Variants in EXD3 observed in about 807,000 individuals in gnomAD.
EXD3 encodes exonuclease mut-7 homolog.
In EXD3, 92 loss-of-function variants were observed where a neutral mutation model predicts 98.0. The ratio of observed to expected loss-of-function variants is 0.94; its 90% CI spans 0.79 to 1.12. EXD3 has a LOEUF of 1.12. Among genes scored for constraint, EXD3 ranks in the 50% most tolerant of loss-of-function variants. The pLI is 0.00. For synonymous variants in EXD3, 569 were observed against 526.0 expected (o/e 1.08, Z -1.12); for missense variants, 1,222 against 1,191.6 (o/e 1.03, Z -0.38).
chr9:137,377,530 TTGGGAGGCCAAGG>T (rs1835972995), intron 3 of EXD3, among the ~76,000 whole-genome samples: 1 of 151,262 alleles, frequency 6.6e-6, no homozygotes, highest in South Asian at 2.1e-4. Flanking sequence ...TCCCAGCACT[TTGGGAGGCCAAGG>T]TGGGAGGATC....
chr9:137,354,712 C>T lies in EXD3; in HGVS notation c.819G>A (p.Lys273=). 6.2e-7 allele frequency: 1 copy of T among 1,611,014 alleles called. No homozygotes were observed. The highest frequency in any genetic ancestry group is 1.1e-5 in the South Asian group (1 of 91,084). ...CCTGCTCACGAACCTCCACAAACCG[C>T]TTGTGGCACAGGTGCCGCAGGGCCG... The part of the protein sequence containing the change: ...RLAALRHLCH[K]RFVEKSLSQE... The change falls in exon 9 of 22, where the codon AAG becomes AAA. Residue 273 remains lysine, a synonymous_variant. Coordinates refer to ENST00000340951, the MANE Select transcript of EXD3 (RefSeq NM_017820.5).
At chr9:137,335,787 T>G (rs1483847635) in intron 17 of EXD3, among the ~76,000 whole-genome samples, 1 of 152,176 alleles carries the variant, frequency 6.6e-6, no homozygotes, top group African/African-American at 2.4e-5. Flanking sequence ...GTCCCACTAC[T>G]GAGTATCTAC....
At chr9:137,413,287 G>A (rs1191669251) in intron 1 of EXD3, among the ~76,000 whole-genome samples, 4 of 151,280 alleles carry the variant, frequency 2.6e-5, no homozygotes, top group African/African-American at 4.9e-5. Flanking sequence ...TGCAAGCTCC[G>A]CCTCCCGGGT....
chr9:137,355,683 GA>G (rs1834716421), intron 8 of EXD3, among the ~76,000 whole-genome samples: 5 of 102,028 alleles, frequency 4.9e-5, no homozygotes, highest in Non-Finnish European at 1.1e-4. Flanking sequence ...GAGGATGGAG[GA>G]AGGAGAAAGG....
intron 17 of EXD3, chr9:137,345,667 A>G: frequency 6.6e-6 from 1 of 151,676 alleles, no homozygotes; most frequent in Non-Finnish European, 1.5e-5. Context: ...GTCTCAAAAA[A>G]AAAAAAAAGG....
chr9:137,313,629 G>A (rs1260470553), intron 19 of EXD3, among the ~76,000 whole-genome samples: 2 of 152,164 alleles, frequency 1.3e-5, no homozygotes, highest in African/African-American at 2.4e-5. Context: ...CCCCATGGGG[G>A]GTGTGGCAGG....
chr9:137,363,729 C>T (rs1284553111), intron 7 of EXD3, among the ~76,000 whole-genome samples: 4 of 152,118 alleles, frequency 2.6e-5, no homozygotes, highest in African/African-American at 9.7e-5. Context: ...AAGCTTTAAA[C>T]TGTGGATATA....
Position 137,351,442 on chromosome 9 carries a change from G to T in EXD3, c.1260C>A (p.Ala420=). Residue 420 remains alanine (A), a synonymous_variant, in exon 13 of 22, where the codon GCC becomes GCA. Coordinates refer to ENST00000340951, the MANE Select transcript of EXD3 (RefSeq NM_017820.5). The part of the protein sequence containing the change: ...GRPRPSLLQV[A]VEGHVFLLDV... ...CCAGAAGGAACACGTGGCCCTCCACGGCCACCTGCAGGAGTGACGGCCGAG... is the reference window on the plus strand; with the variant it reads ...CCAGAAGGAACACGTGGCCCTCCACTGCCACCTGCAGGAGTGACGGCCGAG... 1.2e-6 allele frequency: 2 copies of T among 1,605,116 alleles called. No individual in the cohort carries two copies. The highest frequency in any genetic ancestry group is 1.7e-6 in the Non-Finnish European group (2 of 1,177,056).
At chr9:137,320,975 G>GGAGA (rs1195661500) in intron 19 of EXD3, among the ~76,000 whole-genome samples, 1 of 152,230 alleles carries the variant, frequency 6.6e-6, no homozygotes, top group Non-Finnish European at 1.5e-5. Context: ...CAAGGCTGCA[G>GGAGA]GAGAGGCCCC....
chr9:137,376,717 G>T (rs1239488443), intron 3 of EXD3, among the ~76,000 whole-genome samples: 4 of 152,042 alleles, frequency 2.6e-5, no homozygotes, highest in African/African-American at 4.8e-5. Flanking sequence ...ATCAACTGAG[G>T]TCGGGAGTTG....
rs1348487510 is a variant in EXD3 at position 137,373,192 on chromosome 9, G to A, written c.295-120C>T. 45 of 1,300,280 alleles carry A rather than the reference G, an allele frequency of 3.5e-5. No homozygotes were observed. The East Asian group carries it at 4.4e-4, about 13-fold the overall frequency. The allele number at this position is 1,300,280 out of a possible 1,614,324, so 80.5% of individuals were successfully genotyped here. On this transcript the variant is annotated intron_variant, in intron 4 of 21. Transcript: ENST00000340951. ...GCCACTGTGGCCATGTGTGGGCATC[G>A]GGTGGTCTGCAGGGCTGGGGCACGG...
intron 5 of EXD3, among the ~76,000 whole-genome samples, chr9:137,368,993 G>A (rs1414684043): frequency 4.8e-5 from 7 of 144,898 alleles, no homozygotes; most frequent in Non-Finnish European, 9.2e-5. Flanking sequence ...AGTGCCCGGG[G>A]CGGGGTGGGG....
intron 4 of EXD3, 106 bp downstream of exon 4, chr9:137,373,320 G>C: frequency 7.3e-7 from 1 of 1,372,530 alleles, no homozygotes; most frequent in South Asian, 1.2e-5. Flanking sequence ...CCCTTCCCTG[G>C]CTTGCTGAGC....
chr9:137,366,163 T>C (rs1285652534), intron 7 of EXD3: 6 of 700,942 alleles, frequency 8.6e-6, no homozygotes, highest in East Asian at 2.7e-5. Context: ...AAAACTTTAT[T>C]AGATGAAAGA....
chr9:137,391,204 G>GC (rs1310767052), intron 2 of EXD3, among the ~76,000 whole-genome samples: 3 of 152,254 alleles, frequency 2.0e-5, no homozygotes, highest in Admixed American at 1.3e-4. Context: ...CCAGGAACCC[G>GC]CACGTTCACG....
chr9:137,396,480 G>A (rs1484085037), intron 1 of EXD3, among the ~76,000 whole-genome samples: 1 of 152,208 alleles, frequency 6.6e-6, no homozygotes, highest in Admixed American at 6.5e-5. Context: ...CCCCCAGGCA[G>A]CCCTCACGGT....
At chr9:137,418,438 T>C (rs1838343892) in intron 1 of EXD3, among the ~76,000 whole-genome samples, 1 of 152,256 alleles carries the variant, frequency 6.6e-6, no homozygotes, top group African/African-American at 2.4e-5. Flanking sequence ...TTTAAGCTTA[T>C]ATACTTTAGT....
At chr9:137,317,936 C>T (rs948846335) in intron 19 of EXD3, among the ~76,000 whole-genome samples, 33 of 152,130 alleles carry the variant, frequency 2.2e-4, no homozygotes, top group African/African-American at 7.2e-4. Context: ...CATGGGGGTG[C>T]CAAGCGTGGG....
rs543030632 is a variant in EXD3, at chr9:137,349,087, G to A, written c.1830+23C>T. 19 of 1,565,920 alleles carry A rather than the reference G, an allele frequency of 1.2e-5. No individual in the cohort carries two copies. The highest frequency in any genetic ancestry group is 8.1e-5 in the South Asian group (7 of 86,794). Reference sequence around the variant, plus strand: ...TCCTTCCCCAAGAATGCTGACAAACGGACCCTGCGGGGCTTCACCCACCTG... The same window carrying A: ...TCCTTCCCCAAGAATGCTGACAAACAGACCCTGCGGGGCTTCACCCACCTG... On this transcript the variant is annotated intron_variant, in intron 16 of 21. Coordinates refer to ENST00000340951, the MANE Select transcript of EXD3 (RefSeq NM_017820.5). This position sits in a 1 kb window ranked among gnomAD's most constrained non-coding sequence, Gnocchi z 7.4.
Sources: allele counts gnomAD v4.1 joint callset (sites outside exome capture counted in the v4.1 genomes callset), GRCh38; gene constraint gnomAD v4.1.1; non-coding constraint Gnocchi (gnomAD v3.1); transcripts MANE v1.5; gene names NCBI Gene and HGNC (gene_info 2026-07-23, HGNC 2026-07-21).